Variants in LPA observed in about 807,000 individuals in gnomAD.
The protein encoded by LPA is apolipoprotein(a).
A neutral mutation model predicts 197.9 loss-of-function variants in LPA; 199 were observed. That is an observed-to-expected ratio of 1.01 (90% CI 0.90 to 1.13). The LOEUF is 1.13. Ranked by LOEUF, LPA falls within the 50% of genes most tolerant of loss-of-function variation. The probability of loss-of-function intolerance (pLI) is 0.00; values close to 1 mark genes in which losing one functional copy is unlikely to be tolerated. For synonymous variants in LPA, 715 were observed against 639.5 expected (o/e 1.12, Z -1.78); for missense variants, 1,853 against 1,785.8 (o/e 1.04, Z -0.68).
Position 160,577,293 on chromosome 6 carries a change from G to A in LPA, c.4474C>T (p.Pro1492Ser). 1 of 1,613,468 alleles carries A rather than the reference G, an allele frequency of 6.2e-7. No homozygotes were observed. The highest frequency in any genetic ancestry group is 1.1e-5 in the South Asian group (1 of 91,060). Residue 1492 changes from proline to serine, a missense_variant and splice_region_variant, in exon 28 of 39, where the codon CCA (proline) becomes TCA (serine). Physicochemically the swap from Pro to Ser is moderately conservative, Grantham distance 74. Transcript: ENST00000316300. Reference sequence around the variant, plus strand: ...TGGACCACAGGGCTTTTCTCAGGTGGTGCTGAAATTAAAATAAAATAAATC... The same window carrying A: ...TGGACCACAGGGCTTTTCTCAGGTGATGCTGAAATTAAAATAAAATAAATC... ...PSTEAPSEQA[P>S]PEKSPVVQDC... is the part of the protein sequence containing the mutation.
At chr6:160,661,982 C>G (rs1042563218) in intron 1 of LPA, among the ~76,000 whole-genome samples, 1 of 152,172 alleles carries the variant, frequency 6.6e-6, no homozygotes, top group Admixed American at 6.5e-5. Flanking sequence ...CCCCCTTTAA[C>G]TAAGTTACCT....
intron 28 of LPA, among the ~76,000 whole-genome samples, chr6:160,574,245 A>G (rs377237827): frequency 2.6e-4 from 40 of 152,186 alleles, no homozygotes; most frequent in African/African-American, 9.1e-4. Flanking sequence ...TACTCCCACC[A>G]TGCCCCCAAC....
chr6:160,553,937 C>CTCTGTGTGTGTG lies in LPA; in HGVS notation c.4973+2087_4973+2088insCACACACACAGA, dbSNP rs372637630. Among the ~76,000 whole-genome samples the CTCTGTGTGTGTG allele has an allele frequency of 2.2e-5, 3 of 139,138 alleles. No individual in the cohort carries two copies. The East Asian group carries it at 6.1e-4, about 28-fold the overall frequency. 91.3% of individuals were successfully genotyped at this position (139,138 alleles called of 152,430 possible). A position where few individuals can be genotyped will look rare whatever the true frequency, so the allele number is the denominator to read the frequency against. ...TCTCTCTTTCTCTCTCTCTCTCTCT[C>CTCTGTGTGTGTG]TGTGTGTGTGTGTGTGTGCGCGCGC... On this transcript the variant is annotated intron_variant, in intron 30 of 38. Transcript: ENST00000316300.
At chr6:160,652,477 G>C (rs1780025460) in intron 1 of LPA, among the ~76,000 whole-genome samples, 1 of 152,048 alleles carries the variant, frequency 6.6e-6, no homozygotes, top group Non-Finnish European at 1.5e-5. Context: ...GCAAAATAAA[G>C]ACTTCTTCAG....
At chr6:160,601,640 G>A (rs1483310010) in intron 18 of LPA, among the ~76,000 whole-genome samples, 2 of 152,194 alleles carry the variant, frequency 1.3e-5, no homozygotes, top group Non-Finnish European at 2.9e-5. Context: ...TAGCCAAAAG[G>A]CTCTATGTTC....
At chr6:160,585,431 A>G (rs1324735054) in intron 25 of LPA, among the ~76,000 whole-genome samples, 1 of 152,156 alleles carries the variant, frequency 6.6e-6, no homozygotes, top group Admixed American at 6.5e-5. Context: ...CAAACAAACA[A>G]AGAAACAAAC....
intron 28 of LPA, among the ~76,000 whole-genome samples, chr6:160,568,793 A>G (rs1399319960): frequency 5.3e-5 from 8 of 152,226 alleles, no homozygotes; most frequent in African/African-American, 1.9e-4. Flanking sequence ...GCAAAGTCTC[A>G]AGATACAAAA....
chr6:160,574,611 C>G (rs937912735), intron 28 of LPA, among the ~76,000 whole-genome samples: 1 of 152,132 alleles, frequency 6.6e-6, no homozygotes, highest in Non-Finnish European at 1.5e-5. Flanking sequence ...TTGCTTGGCT[C>G]AGCTCTCTAA....
rs1779087722 is a variant in LPA, at chr6:160,594,243, A to T, written c.3470-126T>A. 4.4e-6 allele frequency: 5 copies of T among 1,129,512 alleles called. No individual in the cohort carries two copies. In the Admixed American group the frequency reaches 9.6e-5, roughly 22 times the overall value. The allele number at this position is 1,129,512 out of a possible 1,614,324, so 70.0% of individuals were successfully genotyped here. On this transcript the variant is annotated intron_variant, in intron 21 of 38. Transcript: ENST00000316300. ...CTACCATGCTCTGTTCTGTACTAGC[A>T]GGCAGATGGACATACCAATAATAAA...
intron 37 of LPA, 60 bp from the exon 38 acceptor site, chr6:160,532,709 TC>T: frequency 1.7e-6 from 2 of 1,184,746 alleles, no homozygotes; most frequent in Non-Finnish European, 2.5e-6. Context: ...ACGAGGAAAT[TC>T]CAGAAGAACA....
chr6:160,609,396 C>A (rs1246519301), intron 16 of LPA, among the ~76,000 whole-genome samples: 5 of 152,102 alleles, frequency 3.3e-5, no homozygotes, highest in Admixed American at 2.6e-4. Flanking sequence ...AACGCATTAG[C>A]AATTTGTATC....
At chr6:160,538,556 A>T (rs897757024) in intron 36 of LPA, among the ~76,000 whole-genome samples, 1 of 152,234 alleles carries the variant, frequency 6.6e-6, no homozygotes, top group African/African-American at 2.4e-5. Flanking sequence ...TTAGAATCCC[A>T]GGGACTCTTA....
At chr6:160,652,017 A>AG (rs1491285070) in intron 1 of LPA, among the ~76,000 whole-genome samples, 2 of 31,930 alleles carry the variant, frequency 6.3e-5, no homozygotes, top group Non-Finnish European at 1.9e-4. Flanking sequence ...AGTTCCTGAC[A>AG]AAAAAAAAAA....
At chr6:160,601,711 A>G (rs776986071) in intron 18 of LPA, among the ~76,000 whole-genome samples, 1 of 152,240 alleles carries the variant, frequency 6.6e-6, no homozygotes, top group Non-Finnish European at 1.5e-5. Context: ...CAGGTGGGTC[A>G]AGTGGGTTTC....
chr6:160,656,328 T>C (rs1245152237), intron 1 of LPA, among the ~76,000 whole-genome samples: 1 of 152,212 alleles, frequency 6.6e-6, no homozygotes, highest in Non-Finnish European at 1.5e-5. Flanking sequence ...TTTCCCACCA[T>C]AATAGCCCTC....
At chr6:160,611,446 T>A in intron 16 of LPA, 116 bp downstream of exon 16, 3 of 1,525,942 alleles carry the variant, frequency 2.0e-6, no homozygotes, top group Non-Finnish European at 1.8e-6. Context: ...GACATTTTGC[T>A]ACACCATCTG....
At chr6:160,569,099 C>A (rs1043010909) in intron 28 of LPA, among the ~76,000 whole-genome samples, 6 of 152,156 alleles carry the variant, frequency 3.9e-5, no homozygotes, top group African/African-American at 1.4e-4. Context: ...ATCAAGCTAC[C>A]AATGACTTTC....
At chr6:160,547,422 G>A (rs1399536733) in intron 32 of LPA, among the ~76,000 whole-genome samples, 1 of 152,162 alleles carries the variant, frequency 6.6e-6, no homozygotes, top group Admixed American at 6.5e-5. Context: ...TACAGATGAA[G>A]CTTTGTTTGC....
chr6:160,563,415 C>A (rs561678131), intron 28 of LPA, among the ~76,000 whole-genome samples: 1 of 152,188 alleles, frequency 6.6e-6, no homozygotes, highest in Non-Finnish European at 1.5e-5. Context: ...AGTTTGATTG[C>A]ACTTTGGTCT....
Sources: allele counts gnomAD v4.1 joint callset (sites outside exome capture counted in the v4.1 genomes callset), GRCh38; gene constraint gnomAD v4.1.1; transcripts MANE v1.5; gene names NCBI Gene and HGNC (gene_info 2026-07-23, HGNC 2026-07-21).